PTK2: variants seen among roughly 807,000 people sequenced by gnomAD.
PTK2 encodes focal adhesion kinase 1.
In PTK2, 45 loss-of-function variants were observed where a neutral mutation model predicts 150.1. That is an observed-to-expected ratio of 0.30 (90% confidence interval 0.24 to 0.38). PTK2 has a LOEUF of 0.38. Among genes scored for constraint, PTK2 ranks in the 10% least tolerant of loss-of-function variants. PTK2 has a pLI of 1.00. For missense variants in PTK2, 919 were observed against 1,307.3 expected (o/e 0.70, Z 4.58); for synonymous variants, 432 against 449.2 (o/e 0.96, Z 0.48).
chr8:140,665,085 C>T (rs1237968880), intron 30 of PTK2, 88 bp from the exon 35 acceptor site: 1 of 1,195,056 alleles, frequency 8.4e-7, no homozygotes, highest in African/African-American at 1.5e-5. Flanking sequence ...TTCCTTTCCA[C>T]AAGTTTCAAG....
chr8:140,993,016 C>T (rs1450685063), intron 1 of PTK2, among the ~76,000 whole-genome samples: 2 of 152,198 alleles, frequency 1.3e-5, no homozygotes, highest in Admixed American at 6.5e-5. Flanking sequence ...AAACTTCCAT[C>T]ATTTTGTGTC....
intron 28 of PTK2, among the ~76,000 whole-genome samples, chr8:140,674,834 C>A (rs922670220): frequency 2.0e-5 from 3 of 151,266 alleles, no homozygotes; most frequent in Non-Finnish European, 4.4e-5. Flanking sequence ...GATGCCTGAC[C>A]TCAGGAGTTC....
At chr8:140,977,173 T>G (rs2100189561) in intron 1 of PTK2, among the ~76,000 whole-genome samples, 1 of 152,006 alleles carries the variant, frequency 6.6e-6, no homozygotes, top group South Asian at 2.1e-4. Flanking sequence ...GAAGACTGCT[T>G]AAGCCCAGGA....
At chr8:140,803,757 A>C (rs1288866616) in intron 10 of PTK2, 107 bp from the exon 11 acceptor site, 2 of 1,009,476 alleles carry the variant, frequency 2.0e-6, no homozygotes, top group African/African-American at 3.2e-5. Flanking sequence ...ATCCTCCCTA[A>C]GACTGGAGGT....
At chr8:140,974,973 T>C (rs769426266) in intron 1 of PTK2, among the ~76,000 whole-genome samples, 1 of 152,212 alleles carries the variant, frequency 6.6e-6, no homozygotes, top group Admixed American at 6.5e-5. Flanking sequence ...AGCCTTGCCA[T>C]TTCACTTACT....
intron 7 of PTK2, 86 bp downstream of exon 7, chr8:140,846,174 G>T: frequency 9.1e-7 from 1 of 1,094,840 alleles, no homozygotes; most frequent in Middle Eastern, 2.8e-4. Context: ...AAATAGCAGT[G>T]TTTCAGAATC....
intron 30 of PTK2, among the ~76,000 whole-genome samples, chr8:140,666,997 G>A (rs891987092): frequency 2.6e-5 from 4 of 152,176 alleles, no homozygotes; most frequent in African/African-American, 9.7e-5. Context: ...ATACTATGCT[G>A]AGTGAAATAA....
At chr8:140,891,144 G>C (rs139173056) in intron 2 of PTK2, among the ~76,000 whole-genome samples, 483 of 122,502 alleles carry the variant, frequency 3.9e-3, no homozygotes, top group Non-Finnish European at 5.8e-3. Context: ...CCCTGCTTTT[G>C]AAAACTTTTA....
chr8:140,802,647 C>CT, intron 11 of PTK2, among the ~76,000 whole-genome samples: 1 of 152,342 alleles, frequency 6.6e-6, no homozygotes, highest in South Asian at 2.1e-4. Flanking sequence ...AAGCTCCACT[C>CT]ATGGTAAGGG....
intron 23 of PTK2, among the ~76,000 whole-genome samples, chr8:140,707,378 T>C (rs28399673): frequency 0.022 from 3,419 of 152,310 alleles, 133 homozygotes; most frequent in African/African-American, 0.079. Context: ...GTGGCGATGG[T>C]TGCACAACTC....
chr8:140,863,964 G>C (rs997292428), intron 5 of PTK2, among the ~76,000 whole-genome samples: 3 of 152,144 alleles, frequency 2.0e-5, no homozygotes, highest in African/African-American at 7.2e-5. Context: ...AAGCAAAGCA[G>C]ATCAATTTTA....
intron 16 of PTK2, among the ~76,000 whole-genome samples, chr8:140,760,789 T>C (rs1039310956): frequency 8.5e-5 from 13 of 152,206 alleles, no homozygotes; most frequent in Admixed American, 8.5e-4. Context: ...TATTCATCTT[T>C]TTTGGAGGGT....
intron 8 of PTK2, among the ~76,000 whole-genome samples, chr8:140,825,319 A>G (rs1299814168): frequency 6.6e-6 from 1 of 152,170 alleles, no homozygotes; most frequent in African/African-American, 2.4e-5. Flanking sequence ...ACATCGTACC[A>G]AGATATGCAT....
chr8:140,949,794 A>G (rs2100178904), intron 1 of PTK2, among the ~76,000 whole-genome samples: 1 of 152,186 alleles, frequency 6.6e-6, no homozygotes, highest in African/African-American at 2.4e-5. Flanking sequence ...AGAAAGGGGC[A>G]GGTCCCCCAT....
intron 26 of PTK2, among the ~76,000 whole-genome samples, chr8:140,693,121 G>C (rs760150686): frequency 9.9e-5 from 15 of 152,050 alleles, no homozygotes; most frequent in Non-Finnish European, 1.8e-4. Flanking sequence ...CAATGGGAAA[G>C]AAAGCTCTTT....
At chr8:140,917,516 G>C (rs1211857016) in intron 2 of PTK2, among the ~76,000 whole-genome samples, 1 of 152,116 alleles carries the variant, frequency 6.6e-6, no homozygotes, top group African/African-American at 2.4e-5. Context: ...AGAGAAAAAA[G>C]AAAACACAAA....
chr8:140,815,275 G>A (rs753403582), intron 10 of PTK2, among the ~76,000 whole-genome samples: 4 of 151,198 alleles, frequency 2.6e-5, no homozygotes, highest in African/African-American at 4.9e-5. Context: ...GGATGGAGCT[G>A]GAGGCCATTA....
At chr8:140,672,014 T>C (rs2095579184) in intron 29 of PTK2, 2 of 349,910 alleles carry the variant, frequency 5.7e-6, no homozygotes, top group African/African-American at 2.2e-5. Flanking sequence ...CTTCATACCC[T>C]ATCCTAATTG....
intron 5 of PTK2, among the ~76,000 whole-genome samples, chr8:140,850,694 C>A (rs1355727644): frequency 6.6e-6 from 1 of 152,062 alleles, no homozygotes; most frequent in Non-Finnish European, 1.5e-5. Context: ...CGTGTCACTG[C>A]ACTCCAGCCT....
Sources: allele counts gnomAD v4.1 joint callset (sites outside exome capture counted in the v4.1 genomes callset), GRCh38; gene constraint gnomAD v4.1.1; transcripts MANE v1.5; gene names NCBI Gene and HGNC (gene_info 2026-07-23, HGNC 2026-07-21).